The following CSPP1 variants were observed in gnomAD, a reference collection of about 807,000 sequenced individuals.
The protein encoded by CSPP1 is centrosome and spindle pole-associated protein 1.
Under a neutral mutation model 164.4 loss-of-function variants are expected in CSPP1, and 126 were observed. The observed-to-expected ratio is 0.77, with a 90% CI of 0.66 to 0.89. The LOEUF (loss-of-function observed/expected upper bound fraction) is 0.89, where lower values mean the gene tolerates loss of function less well. Ranked by LOEUF, CSPP1 falls within the 40% of genes least tolerant of loss-of-function variation. The pLI is 0.00. For synonymous variants in CSPP1, 472 were observed against 476.7 expected, an observed-to-expected ratio of 0.99 and a Z score of 0.13; for missense variants, 1,395 against 1,449.8, an observed-to-expected ratio of 0.96 and a Z score of 0.61.
chr8:67,182,691 G>A (rs567882315), intron 28 of CSPP1, among the ~76,000 whole-genome samples: 29 of 152,296 alleles, frequency 1.9e-4, no homozygotes, highest in African/African-American at 7.0e-4. Flanking sequence ...GGTGTGACGT[G>A]GCATCTCATT....
At position 67,074,275 on chromosome 8, in the gene CSPP1, T is replaced by C; in HGVS notation, c.23T>C (p.Phe8Ser). MADNLDE[F>S]IEEQKARLAE... ...AAAATGGCTGATAATTTGGATGAAT[T>C]TATTGAAGAGCAAAAAGCCAGATTG... The change falls in exon 2 of 31, where the codon TTT becomes TCT. Residue 8 changes from phenylalanine (F) to serine (S), a missense_variant. By Grantham distance (155) the Phe-to-Ser change is radical. Coordinates refer to ENST00000678616, the MANE Select transcript of CSPP1 (RefSeq NM_001382391.1). 1 of 1,611,046 alleles carries C rather than the reference T, an allele frequency of 6.2e-7. No homozygotes were observed. The highest frequency in any genetic ancestry group is 8.5e-7 in the Non-Finnish European group (1 of 1,178,534).
intron 21 of CSPP1, 124 bp from the exon 22 acceptor site, chr8:67,161,687 A>G: frequency 1.9e-6 from 1 of 539,650 alleles, no homozygotes; most frequent in Non-Finnish European, 3.3e-6. Context: ...ATTTTATTAA[A>G]TAAAAGCAAT....
At chr8:67,115,765 A>C (rs886149546) in intron 12 of CSPP1, 149 bp from the exon 13 acceptor site, 4 of 557,276 alleles carry the variant, frequency 7.2e-6, no homozygotes, top group Admixed American at 6.1e-5. Flanking sequence ...AATAAATAAA[A>C]ATAGATATTC....
chr8:67,089,676 A>C (rs775354658), intron 4 of CSPP1, among the ~76,000 whole-genome samples: 8 of 152,084 alleles, frequency 5.3e-5, no homozygotes, highest in Non-Finnish European at 8.8e-5. Flanking sequence ...TCAGTCCCAA[A>C]TGTATCAGAA....
At chr8:67,102,263 T>A (rs1156491412) in intron 7 of CSPP1, among the ~76,000 whole-genome samples, 1 of 152,200 alleles carries the variant, frequency 6.6e-6, no homozygotes. Context: ...ATATTTTATT[T>A]AATTTATTGA....
At chr8:67,064,661 C>T in intron 1 of CSPP1, 123 bp downstream of exon 1, 1 of 249,746 alleles carries the variant, frequency 4.0e-6, no homozygotes, top group African/African-American at 3.2e-5. Context: ...AGGCCGGCGA[C>T]GTGCCAGAGT....
At chr8:67,190,907 A>T in intron 29 of CSPP1, 148 bp downstream of exon 29, 1 of 612,936 alleles carries the variant, frequency 1.6e-6, no homozygotes, top group Non-Finnish European at 2.9e-6. Context: ...TGACTGGATG[A>T]CCTTGGGTAG....
At chr8:67,120,602 A>G (rs1367164386) in intron 15 of CSPP1, among the ~76,000 whole-genome samples, 1 of 152,052 alleles carries the variant, frequency 6.6e-6, no homozygotes, top group Admixed American at 6.5e-5. Flanking sequence ...ATTCTTAAGT[A>G]TTTTATTCTT....
Position 67,154,064 on chromosome 8 carries a change from T to A in CSPP1, c.2169T>A (p.Asn723Lys). 6.2e-7 allele frequency: 1 copy of A among 1,607,416 alleles called. No individual in the cohort carries two copies. The highest frequency in any genetic ancestry group is 8.5e-7 in the Non-Finnish European group (1 of 1,174,754). ...AGAGCTCTCCTTTTGCTCGGGGAAATGTATTTGGTGAGCCTCCAACTGAAC... is the reference window on the plus strand; with the variant it reads ...AGAGCTCTCCTTTTGCTCGGGGAAAAGTATTTGGTGAGCCTCCAACTGAAC... Reference protein sequence around the residue: ...QTQSSPFARGNVFGEPPTELQ... With the variant: ...QTQSSPFARGKVFGEPPTELQ... The change falls in exon 19 of 31, where the codon AAT becomes AAA. Residue 723 changes from asparagine to lysine, a missense_variant. Asn to Lys is a moderately conservative substitution (Grantham distance 94). Coordinates refer to ENST00000678616, the MANE Select transcript of CSPP1 (RefSeq NM_001382391.1).
chr8:67,150,218 A>C (rs1393364611), intron 18 of CSPP1, among the ~76,000 whole-genome samples: 1 of 152,026 alleles, frequency 6.6e-6, no homozygotes, highest in Non-Finnish European at 1.5e-5. Flanking sequence ...AGTGGGGGAC[A>C]TTTCTTAATA....
At chr8:67,137,726 T>G in intron 17 of CSPP1, 123 bp downstream of exon 17, 2 of 464,350 alleles carry the variant, frequency 4.3e-6, no homozygotes, top group Non-Finnish European at 7.6e-6. Flanking sequence ...TGTAACTTAA[T>G]GCATATGAGG....
At chr8:67,113,687 T>A in intron 10 of CSPP1, 118 bp from the exon 11 acceptor site, 1 of 538,738 alleles carries the variant, frequency 1.9e-6, no homozygotes, top group Non-Finnish European at 3.3e-6. Flanking sequence ...GTTAAAGGAA[T>A]TATTTGTTTT....
At chr8:67,132,993 A>T (rs913369204) in intron 16 of CSPP1, among the ~76,000 whole-genome samples, 1 of 152,246 alleles carries the variant, frequency 6.6e-6, no homozygotes, top group African/African-American at 2.4e-5. Context: ...CTTGAAAGAT[A>T]GATTTTTAAA....
intron 2 of CSPP1, chr8:67,074,913 T>A (rs1807592455): frequency 5.8e-6 from 1 of 172,940 alleles, no homozygotes; most frequent in African/African-American, 2.4e-5. Context: ...CATGAGTAGC[T>A]GGGACTACAG....
intron 1 of CSPP1, among the ~76,000 whole-genome samples, chr8:67,066,619 T>C (rs1805600971): frequency 6.6e-6 from 1 of 152,132 alleles, no homozygotes; most frequent in African/African-American, 2.4e-5. Flanking sequence ...TTTCTTCGTA[T>C]CTCCGGTGTA....
In CSPP1 at chr8:67,172,615, T is replaced by TTGTTTTTCACCTAGATTTA. The variant is rs1830692884; in HGVS notation, c.2968+60_2968+61insTGTTTTTCACCTAGATTTA. The stretch of plus-strand genomic sequence containing the variant: ...GAAGTGTTCTACCCATATTTAAATA[T>TTGTTTTTCACCTAGATTTA]CTATAAAGATCTTTGTACCCTTTTT... On this transcript the variant is annotated intron_variant, in intron 25 of 30. Coordinates refer to ENST00000678616, the MANE Select transcript of CSPP1 (RefSeq NM_001382391.1). 4 of 1,369,516 alleles carry TTGTTTTTCACCTAGATTTA rather than the reference T, an allele frequency of 2.9e-6. No homozygotes were observed. In the African/African-American group the frequency reaches 5.8e-5, roughly 20 times the overall value. 84.8% of individuals were successfully genotyped at this position (1,369,516 alleles called of 1,614,324 possible).
intron 9 of CSPP1, among the ~76,000 whole-genome samples, chr8:67,108,064 G>T (rs1341035471): frequency 2.8e-5 from 4 of 141,358 alleles, no homozygotes; most frequent in Non-Finnish European, 4.5e-5. Context: ...GAAAGAATGT[G>T]CATGGTGCAG....
intron 24 of CSPP1, among the ~76,000 whole-genome samples, chr8:67,167,006 A>G (rs1829445309): frequency 6.6e-6 from 1 of 152,182 alleles, no homozygotes; most frequent in Non-Finnish European, 1.5e-5. Context: ...CCCTGAGTGG[A>G]CACAGCACAT....
intron 1 of CSPP1, chr8:67,065,490 G>A (rs1805355062): frequency 1.0e-6 from 1 of 970,178 alleles, no homozygotes; most frequent in Non-Finnish European, 1.2e-6. Context: ...TTTATTCTGT[G>A]TGAAGGAATG....
Sources: allele counts gnomAD v4.1 joint callset (sites outside exome capture counted in the v4.1 genomes callset), GRCh38; gene constraint gnomAD v4.1.1; transcripts MANE v1.5; gene names NCBI Gene and HGNC (gene_info 2026-07-23, HGNC 2026-07-21).